The following ITGB3 variants were observed in gnomAD, a reference collection of about 807,000 sequenced individuals.
ITGB3 encodes the protein integrin subunit beta 3.
Under a neutral mutation model 85.8 loss-of-function variants are expected in ITGB3, and 48 were observed. The ratio of observed to expected loss-of-function variants is 0.56; its 90% CI spans 0.44 to 0.71. ITGB3 has a LOEUF of 0.71. Ranked by LOEUF, ITGB3 falls within the 30% of genes least tolerant of loss-of-function variation. ITGB3 has a pLI of 0.00. For synonymous variants in ITGB3, 363 were observed against 395.6 expected (o/e 0.92, Z 0.98); for missense variants, 861 against 1,019.1 (o/e 0.84, Z 2.11).
chr17:47,284,832 C>T (rs1232686555), intron 4 of ITGB3, 137 bp downstream of exon 4: 4 of 1,214,962 alleles, frequency 3.3e-6, no homozygotes, highest in Non-Finnish European at 4.7e-6. Context: ...CCTTGGTCTC[C>T]CTGTTTGGCA....
At chr17:47,273,090 A>T (rs1365622128) in intron 1 of ITGB3, among the ~76,000 whole-genome samples, 1 of 152,096 alleles carries the variant, frequency 6.6e-6, no homozygotes. Context: ...TTTTCTTTAC[A>T]ATATTGTGTG....
rs141819382 is a variant in ITGB3, at chr17:47,284,714, C to A, written c.614+19C>A. On this transcript the variant is annotated intron_variant, in intron 4 of 14. Transcript: ENST00000559488. ...GCTATGAGTAAGTCCCTCCTCCAGA[C>A]GCCAGGACAGCATCCTTTGCCCCAG... 3.1e-6 allele frequency: 5 copies of A among 1,614,136 alleles called. No homozygotes were observed. The South Asian group carries it at 5.5e-5, about 18-fold the overall frequency.
At chr17:47,272,935 G>A (rs1225904643) in intron 1 of ITGB3, among the ~76,000 whole-genome samples, 1 of 151,856 alleles carries the variant, frequency 6.6e-6, no homozygotes, top group Non-Finnish European at 1.5e-5. Flanking sequence ...CACCACGCCC[G>A]GCTAATTTTT....
At position 47,312,890 on chromosome 17, in the gene ITGB3, A is replaced by G. The variant is rs963946064; in HGVS notation, c.*2686A>G. Among the ~76,000 whole-genome samples, 3 of 152,108 alleles carry G rather than the reference A, an allele frequency of 2.0e-5. No individual in the cohort carries two copies. The highest frequency in any genetic ancestry group is 4.8e-5 in the African/African-American group (2 of 41,326). On this transcript the variant is annotated 3_prime_UTR_variant, in exon 15 of 15. Coordinates refer to ENST00000559488, the MANE Select transcript of ITGB3 (RefSeq NM_000212.3). ...TGTCCAGTCTCAGGATCTGTGGACA[A>G]TAACGGAAAACTTTGAATATTCCTG...
chr17:47,259,758 G>A (rs1022699192), intron 1 of ITGB3, among the ~76,000 whole-genome samples: 11 of 152,142 alleles, frequency 7.2e-5, no homozygotes, highest in African/African-American at 2.7e-4. Flanking sequence ...AATCAGCTGG[G>A]CATGGTGGCA....
chr17:47,299,343 G>C lies in ITGB3; in HGVS notation c.1726G>C (p.Asp576His), dbSNP rs1281534440. The change falls in exon 11 of 15, where the codon GAC becomes CAC. Residue 576 changes from aspartate to histidine, a missense_variant. Asp to His is a moderately conservative substitution (Grantham distance 81). Transcript: ENST00000559488. This position sits in a 1 kb window ranked among gnomAD's most constrained non-coding sequence, Gnocchi z 5.1. ...GTGCAGCTGTGGGGACTGCCTGTGTGACTCCGACTGGACCGGCTACTACTG... is the reference window on the plus strand; with the variant it reads ...GTGCAGCTGTGGGGACTGCCTGTGTCACTCCGACTGGACCGGCTACTACTG... The part of the protein sequence containing the change: ...GQCSCGDCLC[D>H]SDWTGYYCNC... 5 of 1,614,180 alleles carry C rather than the reference G, an allele frequency of 3.1e-6. No individual in the cohort carries two copies. In the South Asian group the frequency reaches 5.5e-5, roughly 18 times the overall value.
chr17:47,262,983 G>A (rs926873742), intron 1 of ITGB3, among the ~76,000 whole-genome samples: 2 of 152,160 alleles, frequency 1.3e-5, no homozygotes, highest in African/African-American at 4.8e-5. Context: ...GGTTAGACCC[G>A]TTAAATACTA....
intron 9 of ITGB3, chr17:47,291,522 T>G: frequency 3.3e-6 from 1 of 301,456 alleles, no homozygotes; most frequent in African/African-American, 2.2e-5. Context: ...TATTGGTCGT[T>G]TCTCCTCCGC....
intron 1 of ITGB3, among the ~76,000 whole-genome samples, chr17:47,256,861 C>G (rs2064992277): frequency 6.6e-6 from 1 of 152,164 alleles, no homozygotes; most frequent in South Asian, 2.1e-4. Context: ...TAGAAGCTCT[C>G]CAATCGAAGC....
intron 1 of ITGB3, among the ~76,000 whole-genome samples, chr17:47,258,156 C>G (rs1359981054): frequency 2.6e-5 from 4 of 152,186 alleles, no homozygotes; most frequent in African/African-American, 4.8e-5. Flanking sequence ...TCGTTTTACC[C>G]AGCCCTCTCT....
rs185566433 is a variant in ITGB3, at chr17:47,254,227, G to A, written c.79+287G>A. On this transcript the variant is annotated intron_variant, in intron 1 of 14. Transcript: ENST00000559488. The stretch of plus-strand genomic sequence containing the variant: ...CGCCGCGGCGCGCACGGTGCGGTGG[G>A]CGCATCTCTGAGCCCCGCGCTCACC... 8.7e-3 allele frequency among the ~76,000 whole-genome samples: 1,326 copies of A among 152,040 alleles called. 16 individuals are homozygous for A. Among genetic ancestry groups the A allele is most frequent in the African/African-American group, 0.03 (1,250 of 41,498 alleles).
At position 47,279,026 on chromosome 17, in the gene ITGB3, T is replaced by G. The variant is rs145491214; in HGVS notation, c.166-4328T>G. On this transcript the variant is annotated intron_variant, in intron 2 of 14. Coordinates refer to ENST00000559488, the MANE Select transcript of ITGB3 (RefSeq NM_000212.3). ...TTTTATATTTTGAAAGCATTTCACATTCACAGTCTTCTTTTACTTCCTGAC... is the reference window on the plus strand; with the variant it reads ...TTTTATATTTTGAAAGCATTTCACAGTCACAGTCTTCTTTTACTTCCTGAC... Among the ~76,000 whole-genome samples, 74 of 152,366 alleles carry G rather than the reference T, an allele frequency of 4.9e-4. No individual in the cohort carries two copies. The East Asian group carries it at 0.013, about 28-fold the overall frequency.
At chr17:47,270,059 G>A (rs935298252) in intron 1 of ITGB3, among the ~76,000 whole-genome samples, 2 of 152,166 alleles carry the variant, frequency 1.3e-5, no homozygotes, top group South Asian at 2.1e-4. Flanking sequence ...ATCAGATCTT[G>A]TGAGAACTTA....
chr17:47,274,267 G>A (rs1464436710), intron 1 of ITGB3, 152 bp from the exon 2 acceptor site: 1 of 741,254 alleles, frequency 1.3e-6, no homozygotes, highest in African/African-American at 1.7e-5. Context: ...CCAATAACCT[G>A]TATTTGGTAG....
intron 1 of ITGB3, among the ~76,000 whole-genome samples, chr17:47,263,904 T>C (rs2065017196): frequency 6.6e-6 from 1 of 152,212 alleles, no homozygotes; most frequent in Non-Finnish European, 1.5e-5. Flanking sequence ...ATCCTTCCTG[T>C]TTTTCCCTTG....
intron 1 of ITGB3, among the ~76,000 whole-genome samples, chr17:47,271,131 A>C (rs1373009197): frequency 6.6e-6 from 1 of 152,150 alleles, no homozygotes; most frequent in Admixed American, 6.6e-5. Flanking sequence ...CAGACACATA[A>C]ATTATTATGA....
intron 10 of ITGB3, among the ~76,000 whole-genome samples, chr17:47,297,587 T>G (rs1598697570): frequency 6.7e-6 from 1 of 149,272 alleles, no homozygotes; most frequent in South Asian, 2.1e-4. Flanking sequence ...ACACGGGAGG[T>G]GGGGGTTTAC....
Position 47,287,116 on chromosome 17 carries a change from C to T in ITGB3, c.824C>T (p.Thr275Ile), listed in dbSNP as rs2065105582. The T allele has an allele frequency of 4.3e-6, 7 of 1,614,096 alleles. No individual in the cohort carries two copies. Among genetic ancestry groups the T allele is most frequent in the Non-Finnish European group, 5.9e-6 (7 of 1,179,976 alleles). ...RNDASHLLVFTTDAKTHIALD... is the reference protein window; with the variant it reads ...RNDASHLLVFITDAKTHIALD... ...GATGCATCCCACTTGCTGGTGTTTACCACTGATGCCAAGACTCATATAGCA... is the reference window on the plus strand; with the variant it reads ...GATGCATCCCACTTGCTGGTGTTTATCACTGATGCCAAGACTCATATAGCA... The change falls in exon 6 of 15, where the codon ACC becomes ATC. Residue 275 changes from threonine to isoleucine, a missense_variant. Coordinates refer to ENST00000559488, the MANE Select transcript of ITGB3 (RefSeq NM_000212.3).
intron 2 of ITGB3, among the ~76,000 whole-genome samples, chr17:47,277,073 C>T (rs73316496): frequency 5.9e-5 from 9 of 152,172 alleles, no homozygotes; most frequent in South Asian, 2.1e-4. Context: ...TGGATGAGCA[C>T]GGAGTTTTGG....
Sources: allele counts gnomAD v4.1 joint callset (sites outside exome capture counted in the v4.1 genomes callset), GRCh38; gene constraint gnomAD v4.1.1; non-coding constraint Gnocchi (gnomAD v3.1); transcripts MANE v1.5; gene names NCBI Gene and HGNC (gene_info 2026-07-23, HGNC 2026-07-21).